CMSS1: variants seen among roughly 807,000 people sequenced by gnomAD.
The protein encoded by CMSS1 is protein CMSS1.
In CMSS1, 33 loss-of-function variants were observed where a neutral mutation model predicts 43.5. The ratio of observed to expected loss-of-function variants is 0.76; its 90% CI spans 0.57 to 1.01. The LOEUF (loss-of-function observed/expected upper bound fraction) is 1.01. Ranked by LOEUF, CMSS1 falls within the 50% of genes least tolerant of loss-of-function variation. CMSS1 has a pLI of 0.00. For missense variants in CMSS1, 313 were observed against 326.4 expected (o/e 0.96, Z 0.32); for synonymous variants, 115 against 117.2 (o/e 0.98, Z 0.12).
At position 100,117,878 on chromosome 3, in the gene CMSS1, T is replaced by TATACACATATATATATATATATAC. The variant is rs1357671856; in HGVS notation, c.65-29094_65-29093insTACACATATATATATATATATACA. Among the ~76,000 whole-genome samples, 19 of 129,084 alleles carry TATACACATATATATATATATATAC rather than the reference T, an allele frequency of 1.5e-4. 1 individual carries two copies. The highest frequency in any genetic ancestry group is 2.3e-4 in the Admixed American group (3 of 12,874). The allele number at this position is 129,084 out of a possible 152,430, so 84.7% of individuals were successfully genotyped here. ...ACATATATATATATATATATATATA[T>TATACACATATATATATATATATAC]ACACATACAATGGAGTATTACTCAG... is the stretch of plus-strand genomic sequence containing the variant. On this transcript the variant is annotated intron_variant, in intron 1 of 9. Coordinates refer to ENST00000421999, the MANE Select transcript of CMSS1 (RefSeq NM_032359.4).
At chr3:99,923,607 C>T (rs1707192714) in intron 1 of CMSS1, among the ~76,000 whole-genome samples, 2 of 152,192 alleles carry the variant, frequency 1.3e-5, no homozygotes, top group African/African-American at 4.8e-5. Flanking sequence ...GAACACATCC[C>T]CTCATCTTTC....
intron 1 of CMSS1, among the ~76,000 whole-genome samples, chr3:100,003,007 G>A (rs536556989): frequency 6.6e-6 from 1 of 152,306 alleles, no homozygotes; most frequent in South Asian, 2.1e-4. Flanking sequence ...GAGGGATGAC[G>A]TAATGGATTG....
chr3:100,002,713 C>T (rs1412509282), intron 1 of CMSS1, among the ~76,000 whole-genome samples: 1 of 152,162 alleles, frequency 6.6e-6, no homozygotes, highest in African/African-American at 2.4e-5. Context: ...CATGTGGAAA[C>T]GGGGCCTGTG....
intron 1 of CMSS1, among the ~76,000 whole-genome samples, chr3:99,837,679 C>T (rs568308903): frequency 8.9e-4 from 136 of 152,298 alleles, no homozygotes; most frequent in South Asian, 2.7e-3. Flanking sequence ...CAACACTTCT[C>T]CTTCTGACCT....
Position 100,006,562 on chromosome 3 carries a change from G to C in CMSS1, c.65-140411G>C, listed in dbSNP as rs148779029. Among the ~76,000 whole-genome samples the C allele has an allele frequency of 4.6e-3, 705 of 151,868 alleles. 2 individuals are homozygous for C. Among genetic ancestry groups the C allele is most frequent in the South Asian group, 7.1e-3 (34 of 4,810 alleles). On this transcript the variant is annotated intron_variant, in intron 1 of 9. Transcript: ENST00000421999. ...CATGAAGGCTATCATTCAAATCCCA[G>C]AAGTTGTAGTTTTACCCTTTTTGTT... is the stretch of plus-strand genomic sequence containing the variant.
chr3:100,030,656 A>G (rs969149831), intron 1 of CMSS1, among the ~76,000 whole-genome samples: 1 of 152,154 alleles, frequency 6.6e-6, no homozygotes, highest in African/African-American at 2.4e-5. Flanking sequence ...TTGTCCCCAC[A>G]ACTAATTTAA....
intron 1 of CMSS1, among the ~76,000 whole-genome samples, chr3:100,120,130 C>T (rs1171249094): frequency 6.6e-6 from 1 of 152,230 alleles, no homozygotes; most frequent in East Asian, 1.9e-4. Context: ...TCTCCAGTTT[C>T]CAGGGACTAT....
chr3:100,092,217 T>C (rs2066122189), intron 1 of CMSS1, among the ~76,000 whole-genome samples: 1 of 152,210 alleles, frequency 6.6e-6, no homozygotes, highest in African/African-American at 2.4e-5. Context: ...AAAGAGTAAA[T>C]ATTCTATAAC....
intron 1 of CMSS1, among the ~76,000 whole-genome samples, chr3:99,833,808 T>G (rs1354311541): frequency 6.6e-6 from 1 of 152,152 alleles, no homozygotes; most frequent in Non-Finnish European, 1.5e-5. Context: ...GGACGGTGGT[T>G]GGATTCAGGG....
intron 1 of CMSS1, among the ~76,000 whole-genome samples, chr3:100,131,653 T>C: frequency 6.6e-6 from 1 of 152,196 alleles, no homozygotes. Flanking sequence ...TGCTACTCCC[T>C]GCACCCCAAT....
chr3:99,835,601 T>C (rs1214533441), intron 1 of CMSS1, among the ~76,000 whole-genome samples: 4 of 152,190 alleles, frequency 2.6e-5, no homozygotes, highest in African/African-American at 7.2e-5. Context: ...TGGGAATTAA[T>C]AGGTCTGGGA....
chr3:99,832,793 T>C (rs2107487435), intron 1 of CMSS1, among the ~76,000 whole-genome samples: 1 of 135,914 alleles, frequency 7.4e-6, no homozygotes, highest in African/African-American at 2.8e-5. Flanking sequence ...TGAGCCGAGA[T>C]CATAGCATTG....
At chr3:100,114,778 G>T (rs1337022675) in intron 1 of CMSS1, among the ~76,000 whole-genome samples, 1 of 152,104 alleles carries the variant, frequency 6.6e-6, no homozygotes, top group Non-Finnish European at 1.5e-5. Flanking sequence ...ACCTCATTTT[G>T]TACCCTGCAG....
At chr3:100,089,665 T>C (rs2066070484) in intron 1 of CMSS1, among the ~76,000 whole-genome samples, 2 of 152,220 alleles carry the variant, frequency 1.3e-5, no homozygotes, top group Admixed American at 1.3e-4. Flanking sequence ...ATGTCTTACA[T>C]TGAGTGAAAA....
chr3:100,150,768 C>T (rs139793511), intron 2 of CMSS1, among the ~76,000 whole-genome samples: 27 of 152,272 alleles, frequency 1.8e-4, no homozygotes, highest in African/African-American at 5.8e-4. Context: ...GATGAATTCC[C>T]TACTCCTAGA....
chr3:100,165,323 T>C (rs573960813), intron 4 of CMSS1, among the ~76,000 whole-genome samples: 34 of 152,336 alleles, frequency 2.2e-4, no homozygotes, highest in Admixed American at 9.1e-4. Context: ...TTTATTTTAA[T>C]GTGTTATATT....
intron 1 of CMSS1, among the ~76,000 whole-genome samples, chr3:99,822,525 GT>G (rs1942457859): frequency 2.0e-5 from 3 of 152,224 alleles, no homozygotes; most frequent in Middle Eastern, 3.2e-3. Context: ...GAGGTCAGGA[GT>G]TTGAGAACAG....
At chr3:100,111,417 T>C (rs1436034262) in intron 1 of CMSS1, among the ~76,000 whole-genome samples, 1 of 152,188 alleles carries the variant, frequency 6.6e-6, no homozygotes, top group African/African-American at 2.4e-5. Context: ...TAAAACTTAG[T>C]TTATCTATCT....
chr3:99,819,117 A>C (rs907086385), intron 1 of CMSS1, among the ~76,000 whole-genome samples: 6 of 152,248 alleles, frequency 3.9e-5, no homozygotes, highest in African/African-American at 1.4e-4. Flanking sequence ...AACCAACTTC[A>C]TTTGTTGCAT....
Sources: gnomAD v4.1 joint callset for allele counts (sites outside exome capture counted in the v4.1 genomes callset) on GRCh38, gnomAD v4.1.1 for gene constraint, MANE v1.5 for transcripts, NCBI Gene and HGNC (gene_info 2026-07-23, HGNC 2026-07-21) for gene names.